GAK: variants seen among roughly 807,000 people sequenced by gnomAD.
GAK encodes cyclin-G-associated kinase.
Under a neutral mutation model 143.9 loss-of-function variants are expected in GAK, and 79 were observed. The observed-to-expected ratio is 0.55, with a 90% CI of 0.46 to 0.66. The LOEUF (loss-of-function observed/expected upper bound fraction) is 0.66, where lower values mean the gene tolerates loss of function less well. Among genes scored for constraint, GAK ranks in the 30% least tolerant of loss-of-function variants. The pLI, the probability that GAK is intolerant of heterozygous loss-of-function variation, is 0.00. For synonymous variants in GAK, 881 were observed against 765.5 expected (o/e 1.15, Z -2.49); for missense variants, 1,693 against 1,779.7 (o/e 0.95, Z 0.88).
At chr4:926,754 T>C (rs915218417) in intron 1 of GAK, among the ~76,000 whole-genome samples, 26 of 152,030 alleles carry the variant, frequency 1.7e-4, no homozygotes, top group Non-Finnish European at 3.1e-4. Context: ...TGTGGCAGAA[T>C]CTGGGCCTCA....
At chr4:876,445 G>A in intron 18 of GAK, 85 bp downstream of exon 18, 2 of 1,194,076 alleles carry the variant, frequency 1.7e-6, no homozygotes, top group Non-Finnish European at 1.2e-6. Context: ...CACTCCCCCT[G>A]GGGCTCCCAC....
chr4:884,324 C>T, intron 11 of GAK: 1 of 530,462 alleles, frequency 1.9e-6, no homozygotes, highest in Non-Finnish European at 3.4e-6. Flanking sequence ...CTGGTGGAGG[C>T]ATGGGTGAGA....
rs543280501 is a variant in GAK, at chr4:849,405, G to A, written c.*268C>T. On this transcript the variant is annotated 3_prime_UTR_variant, in exon 28 of 28. Transcript: ENST00000314167. The stretch of plus-strand genomic sequence containing the variant: ...TGCCGGGGCTCCAGAGGCCACGCCC[G>A]AAACACCAAATAAATCACAGACGTG... The A allele has an allele frequency of 1.2e-3, 629 of 518,638 alleles. 2 individuals are homozygous for A. Among genetic ancestry groups the A allele is most frequent in the African/African-American group, 7.8e-3 (407 of 52,508 alleles). 32.1% of individuals were successfully genotyped at this position (518,638 alleles called of 1,614,324 possible). A position where few individuals can be genotyped will look rare whatever the true frequency, so the allele number is the denominator to read the frequency against.
intron 1 of GAK, among the ~76,000 whole-genome samples, chr4:919,925 AG>A (rs2152960662): frequency 6.6e-6 from 1 of 152,340 alleles, no homozygotes; most frequent in South Asian, 2.1e-4. Flanking sequence ...CTGAGGCAGG[AG>A]GATCACCTGA....
Position 877,821 on chromosome 4 carries a change from C to T in GAK, c.1662-12G>A, listed in dbSNP as rs112206114. ...TGTACTCGATGTACCTGGGGGCAGA[C>T]GTGCCGCGTCACCACGTGACGTGCC... On this transcript the variant is annotated splice_polypyrimidine_tract_variant and intron_variant, in intron 15 of 27. Transcript: ENST00000314167. 72 of 1,562,156 alleles carry T rather than the reference C, an allele frequency of 4.6e-5. 1 individual carries two copies. The highest frequency in any genetic ancestry group is 1.4e-4 in the African/African-American group (10 of 73,638).
chr4:911,857 T>G, intron 3 of GAK, 70 bp from the exon 4 acceptor site: 1 of 1,153,806 alleles, frequency 8.7e-7, no homozygotes. Context: ...AAAATAAATG[T>G]AGACAATATT....
In GAK at chr4:852,098, C is replaced by T. The variant is rs536094884; in HGVS notation, c.3284-124G>A. 92 of 853,536 alleles carry T rather than the reference C, an allele frequency of 1.1e-4. No individual in the cohort carries two copies. The African/African-American group carries it at 1.1e-3, about 11-fold the overall frequency. 52.9% of individuals were successfully genotyped at this position (853,536 alleles called of 1,614,324 possible). ...CTTGCAAAATAGAACACCGATCACT[C>T]GAGGCCGTCCAGAGGTGCCGGCTCC... On this transcript the variant is annotated intron_variant, in intron 24 of 27. Transcript: ENST00000314167.
chr4:859,587 A>G lies in GAK; in HGVS notation c.3283+19T>C, dbSNP rs761513635. The G allele has an allele frequency of 6.3e-7, 1 of 1,590,774 alleles. No homozygotes were observed. ...ACAAGGAAACAGCTTCCACACCCCCAAAGTGCCCTCCACGTTACCTTGGAG... is the reference window on the plus strand; with the variant it reads ...ACAAGGAAACAGCTTCCACACCCCCGAAGTGCCCTCCACGTTACCTTGGAG... On this transcript the variant is annotated intron_variant, in intron 24 of 27. Transcript: ENST00000314167.
At chr4:866,581 A>T (rs1472066345) in intron 21 of GAK, 47 bp from the exon 22 acceptor site, 11 of 1,588,058 alleles carry the variant, frequency 6.9e-6, no homozygotes, top group Non-Finnish European at 9.4e-6. Flanking sequence ...GGCTGCCTGA[A>T]GACAAAGGAG....
chr4:894,180 T>G, intron 7 of GAK, 171 bp from the exon 8 acceptor site: 4 of 575,116 alleles, frequency 7.0e-6, no homozygotes, highest in Non-Finnish European at 5.0e-6. Context: ...ACAGGGGTGA[T>G]ATCGGGAACA....
At chr4:897,051 G>T (rs1021236200) in intron 6 of GAK, among the ~76,000 whole-genome samples, 1 of 152,252 alleles carries the variant, frequency 6.6e-6, no homozygotes, top group African/African-American at 2.4e-5. Context: ...CTTGCGAGAG[G>T]CAGAGGCTGG....
intron 18 of GAK, among the ~76,000 whole-genome samples, chr4:874,879 T>G (rs1157086963): frequency 6.6e-6 from 1 of 152,218 alleles, no homozygotes; most frequent in Non-Finnish European, 1.5e-5. Flanking sequence ...ACGTGTCTTC[T>G]TCCATCCTTT....
Position 882,605 on chromosome 4 carries a change from A to G in GAK, c.1527+92T>C. ...TGTCCCAGGGTGAAGAACAGGCCCC[A>G]GCTCATGACTGGCGCTCAGATCCTG... On this transcript the variant is annotated intron_variant, in intron 14 of 27. Coordinates refer to ENST00000314167, the MANE Select transcript of GAK (RefSeq NM_005255.4). The G allele has an allele frequency of 5.4e-6, 8 of 1,493,568 alleles. No homozygotes were observed. In the South Asian group the frequency reaches 9.7e-5, roughly 18 times the overall value. The allele number at this position is 1,493,568 out of a possible 1,614,324, so 92.5% of individuals were successfully genotyped here. A position where few individuals can be genotyped will look rare whatever the true frequency, so the allele number is the denominator to read the frequency against.
intron 4 of GAK, among the ~76,000 whole-genome samples, chr4:908,589 C>A (rs1721493914): frequency 7.3e-6 from 1 of 136,944 alleles, no homozygotes; most frequent in Admixed American, 7.4e-5. Context: ...TCAAGACCGG[C>A]CTGGCAACAT....
intron 23 of GAK, among the ~76,000 whole-genome samples, chr4:862,657 C>CAA (rs34817637): frequency 2.9e-4 from 36 of 123,648 alleles, no homozygotes; most frequent in South Asian, 2.7e-3. Context: ...GACTCTGTCT[C>CAA]AAAAAAAAAA....
intron 24 of GAK, among the ~76,000 whole-genome samples, chr4:856,157 CCTGCTCACCACCACAG>C (rs1749085782): frequency 6.8e-6 from 1 of 146,792 alleles, no homozygotes; most frequent in Non-Finnish European, 1.5e-5. Context: ...GCTCACCACA[CCTGCTCACCACCACAG>C]CTGCTCACAC....
chr4:850,263 G>A (rs1341527665), intron 26 of GAK, 195 bp from the exon 27 acceptor site: 17 of 485,202 alleles, frequency 3.5e-5, no homozygotes, highest in African/African-American at 5.9e-5. Flanking sequence ...AGGGCCAGGT[G>A]GTCTTCATGT....
At position 867,223 on chromosome 4, in the gene GAK, C is replaced by T. The variant is rs535853224; in HGVS notation, c.2605G>A (p.Ala869Thr). ...TGTGGCACAGGCTCTGGCAGCACAG[C>T]CGGTGTCTCCACCTCAAAAACCAAG... The part of the protein sequence containing the change: ...QDLVFEVETP[A>T]VLPEPVPQED... Residue 869 changes from alanine to threonine, a missense_variant, in exon 21 of 28, where the codon GCT (alanine) becomes ACT (threonine). Around this residue, in one of 2 missense-constraint regions of GAK, gnomAD observed 822 missense variants for 788.7 expected, o/e 1.04. Transcript: ENST00000314167. 2.5e-6 allele frequency: 4 copies of T among 1,612,998 alleles called. No individual in the cohort carries two copies. In the East Asian group the frequency reaches 8.9e-5, roughly 36 times the overall value.
intron 1 of GAK, among the ~76,000 whole-genome samples, chr4:921,144 C>T (rs1184804339): frequency 1.3e-5 from 2 of 152,074 alleles, no homozygotes; most frequent in Non-Finnish European, 2.9e-5. Flanking sequence ...GCTCTGTCAC[C>T]CAGGCTGGAG....
Sources: allele counts gnomAD v4.1 joint callset (sites outside exome capture counted in the v4.1 genomes callset), GRCh38; gene constraint gnomAD v4.1.1; regional missense constraint gnomAD v4.1.1; transcripts MANE v1.5; gene names NCBI Gene and HGNC (gene_info 2026-07-23, HGNC 2026-07-21).